ZKSCAN8: variants seen among roughly 807,000 people sequenced by gnomAD.
ZKSCAN8 encodes the protein zinc finger with KRAB and SCAN domains 8, also known as zinc finger protein with KRAB and SCAN domains 8.
A neutral mutation model predicts 57.2 loss-of-function variants in ZKSCAN8; 27 were observed. That is an observed-to-expected ratio of 0.47 (90% CI 0.35 to 0.65). The LOEUF (loss-of-function observed/expected upper bound fraction) is 0.65, where lower values mean the gene tolerates loss of function less well. ZKSCAN8 is among the 30% of genes least tolerant of loss of function. The pLI is 0.01. For synonymous variants in ZKSCAN8, 214 were observed against 248.7 expected (o/e 0.86, Z 1.31); for missense variants, 597 against 696.3 (o/e 0.86, Z 1.60).
In ZKSCAN8 at chr6:28,153,496, T is replaced by C. The variant is rs1297107706; in HGVS notation, c.1216T>C (p.Tyr406His). ...HQRIHTGEKP[Y>H]QCNQCGKAFS... is the part of the protein sequence containing the mutation. ...GAGAATCCACACTGGGGAGAAGCCA[T>C]ATCAGTGCAATCAGTGTGGGAAGGC... The change falls in exon 6 of 6, where the codon TAT (tyrosine) becomes CAT (histidine). Residue 406 changes from tyrosine to histidine, a missense_variant. Tyr to His is a moderately conservative substitution (Grantham distance 83). Coordinates refer to ENST00000330236, the MANE Select transcript of ZKSCAN8 (RefSeq NM_006298.4). The C allele has an allele frequency of 1.2e-6, 2 of 1,612,402 alleles. No homozygotes were observed. Among genetic ancestry groups the C allele is most frequent in the East Asian group, 2.2e-5 (1 of 44,882 alleles).
chr6:28,151,790 C>T (rs1450573990), intron 3 of ZKSCAN8, 55 bp from the exon 4 acceptor site: 3 of 1,432,002 alleles, frequency 2.1e-6, no homozygotes, highest in African/African-American at 1.4e-5. Context: ...TGAGTGCCAG[C>T]TCCCACAACC....
chr6:28,147,245 G>A (rs1765428517), intron 1 of ZKSCAN8, among the ~76,000 whole-genome samples: 1 of 151,884 alleles, frequency 6.6e-6, no homozygotes, highest in Non-Finnish European at 1.5e-5. Flanking sequence ...ATATATAGAT[G>A]TTAAATAAGC....
chr6:28,150,261 C>T (rs925359178), intron 3 of ZKSCAN8, among the ~76,000 whole-genome samples: 2 of 151,788 alleles, frequency 1.3e-5, no homozygotes, highest in Non-Finnish European at 2.9e-5. Flanking sequence ...TTGAAGAGTA[C>T]AGGTGTGTTA....
Position 28,152,329 on chromosome 6 carries a change from G to A in ZKSCAN8, c.720G>A (p.Gln240=). 1 of 1,613,892 alleles carries A rather than the reference G, an allele frequency of 6.2e-7. No homozygotes were observed. The highest frequency in any genetic ancestry group is 8.5e-7 in the Non-Finnish European group (1 of 1,179,946). Reference sequence around the variant, plus strand: ...AGGAGTGGCTTCTTGATCCATCACAGAAGGATCTGTGTAGAGATAACAGGC... The same window carrying A: ...AGGAGTGGCTTCTTGATCCATCACAAAAGGATCTGTGTAGAGATAACAGGC... ...IREEWLLDPS[Q]KDLCRDNRPE... Residue 240 remains glutamine (Q), a synonymous_variant, in exon 5 of 6, where the codon CAG becomes CAA. Coordinates refer to ENST00000330236, the MANE Select transcript of ZKSCAN8 (RefSeq NM_006298.4).
chr6:28,148,450 G>C lies in ZKSCAN8; in HGVS notation c.43G>C (p.Asp15His). Residue 15 changes from aspartate (D) to histidine (H), a missense_variant, in exon 2 of 6, where the codon GAC becomes CAC. By Grantham distance (81) the Asp-to-His change is moderately conservative (BLOSUM62 -1). Coordinates refer to ENST00000330236, the MANE Select transcript of ZKSCAN8 (RefSeq NM_006298.4). ...SRKPSAPSPPDQTPEEDLVIV... is the reference protein window; with the variant it reads ...SRKPSAPSPPHQTPEEDLVIV... ...AAAGCCTTCAGCCCCATCCCCACCA[G>C]ACCAGACTCCTGAAGAGGATCTTGT... 1 of 1,614,116 alleles carries C rather than the reference G, an allele frequency of 6.2e-7. No homozygotes were observed. Among genetic ancestry groups the C allele is most frequent in the Non-Finnish European group, 8.5e-7 (1 of 1,180,022 alleles).
intron 4 of ZKSCAN8, 97 bp downstream of exon 4, chr6:28,152,033 C>T (rs1765607986): frequency 6.9e-7 from 1 of 1,446,270 alleles, no homozygotes; most frequent in South Asian, 1.2e-5. Context: ...GTAGCAGTAC[C>T]TACCCAAAAA....
At chr6:28,151,115 A>G (rs1310183170) in intron 3 of ZKSCAN8, among the ~76,000 whole-genome samples, 10 of 152,046 alleles carry the variant, frequency 6.6e-5, no homozygotes, top group Non-Finnish European at 2.9e-5. Context: ...CACTGTCTTT[A>G]TTTTGCTAAA....
intron 1 of ZKSCAN8, among the ~76,000 whole-genome samples, chr6:28,143,404 C>G (rs1765282845): frequency 6.6e-6 from 1 of 152,126 alleles, no homozygotes; most frequent in Non-Finnish European, 1.5e-5. Context: ...AGCTGGTTTT[C>G]ATCAGTGTTG....
chr6:28,148,363 TAAA>T lies in ZKSCAN8; in HGVS notation c.-44_-42del. Reference sequence around the variant, plus strand: ...TCAGAAGAGTCTTCTCTTAAGAAGATAAAGAAGGTAGTGGAAACGAACTTCCTG... The same window carrying T: ...TCAGAAGAGTCTTCTCTTAAGAAGATGAAGGTAGTGGAAACGAACTTCCTG... On this transcript the variant is annotated 5_prime_UTR_variant, in exon 2 of 6. It adds an upstream start codon to the 5' untranslated region. Transcript: ENST00000330236. The T allele has an allele frequency of 6.4e-7, 1 of 1,566,972 alleles. No homozygotes were observed. The highest frequency in any genetic ancestry group is 8.6e-7 in the Non-Finnish European group (1 of 1,156,894).
rs1200719964 is a variant in ZKSCAN8, at chr6:28,156,634, G to A, written c.*2617G>A. On this transcript the variant is annotated 3_prime_UTR_variant, in exon 6 of 6. Coordinates refer to ENST00000330236, the MANE Select transcript of ZKSCAN8 (RefSeq NM_006298.4). ...TCTTAGCATAGAATATTATTGACTAGGCTGTATGACATTTTGAGCTCTTAA... is the reference window on the plus strand; with the variant it reads ...TCTTAGCATAGAATATTATTGACTAAGCTGTATGACATTTTGAGCTCTTAA... 6.4e-6 allele frequency: 1 copy of A among 157,374 alleles called. No individual in the cohort carries two copies. Among genetic ancestry groups the A allele is most frequent in the Non-Finnish European group, 1.4e-5 (1 of 71,770 alleles). The allele number at this position is 157,374 out of a possible 1,614,324, so 9.7% of individuals were successfully genotyped here. A position where few individuals can be genotyped will look rare whatever the true frequency, so the allele number is the denominator to read the frequency against.
intron 1 of ZKSCAN8, 60 bp from the exon 2 acceptor site, chr6:28,148,256 C>T: frequency 1.3e-6 from 1 of 763,944 alleles, no homozygotes; most frequent in Non-Finnish European, 2.0e-6. Context: ...TGTTAAGATA[C>T]CATAGTTAGT....
In ZKSCAN8 at chr6:28,159,097, C is replaced by G. The variant is rs1032389899; in HGVS notation, c.*5080C>G. On this transcript the variant is annotated 3_prime_UTR_variant, in exon 6 of 6. Transcript: ENST00000330236. ...TGCCTTTCTCATGCTATTCTTTTTG[C>G]TTAGATTGCTCTTTGGTCCCAGCTC... The G allele has an allele frequency of 1.3e-5, 2 of 152,190 alleles. No homozygotes were observed. Among genetic ancestry groups the G allele is most frequent in the Non-Finnish European group, 2.9e-5 (2 of 68,058 alleles). 9.4% of individuals were successfully genotyped at this position (152,190 alleles called of 1,614,324 possible).
Position 28,144,874 on chromosome 6 carries a change from A to G in ZKSCAN8, c.-93+2845A>G, listed in dbSNP as rs970316387. Reference sequence around the variant, plus strand: ...AGATCGAGACCATCCTGGCTAACACAGTGAAACCCCATCTCTACTAAAAAT... The same window carrying G: ...AGATCGAGACCATCCTGGCTAACACGGTGAAACCCCATCTCTACTAAAAAT... On this transcript the variant is annotated intron_variant, in intron 1 of 5. Transcript: ENST00000330236. The surrounding 1 kb of genome is among the most constrained non-coding windows in gnomAD (Gnocchi z 4.5). Among the ~76,000 whole-genome samples the G allele has an allele frequency of 2.6e-5, 4 of 152,078 alleles. No individual in the cohort carries two copies. The highest frequency in any genetic ancestry group is 4.4e-5 in the Non-Finnish European group (3 of 67,990).
rs1013405500 is a variant in ZKSCAN8, at chr6:28,158,691, G to A, written c.*4674G>A. The A allele has an allele frequency of 2.6e-5, 4 of 151,778 alleles. No homozygotes were observed. The highest frequency in any genetic ancestry group is 9.7e-5 in the African/African-American group (4 of 41,266). 9.4% of individuals were successfully genotyped at this position (151,778 alleles called of 1,614,324 possible). On this transcript the variant is annotated 3_prime_UTR_variant, in exon 6 of 6. Coordinates refer to ENST00000330236, the MANE Select transcript of ZKSCAN8 (RefSeq NM_006298.4). ...CTTTTCATGTAGATCTGAGGCCCAG[G>A]TTACTGTAATTCTTTTTTTTCCAAT...
In ZKSCAN8 at chr6:28,154,361, C is replaced by T. The variant is rs1439875517; in HGVS notation, c.*344C>T. The T allele has an allele frequency of 6.8e-5, 13 of 190,956 alleles. No homozygotes were observed. In the Admixed American group the frequency reaches 6.9e-4, roughly 10 times the overall value. The allele number at this position is 190,956 out of a possible 1,614,324, so 11.8% of individuals were successfully genotyped here. On this transcript the variant is annotated 3_prime_UTR_variant, in exon 6 of 6. Transcript: ENST00000330236. The stretch of plus-strand genomic sequence containing the variant: ...TAGGTTTGAGAGAGGCTGGCTACTC[C>T]TAGTTCCTGTGCTTCTTCCCATCTC...
chr6:28,148,334 G>C lies in ZKSCAN8; in HGVS notation c.-74G>C. On this transcript the variant is annotated 5_prime_UTR_variant, in exon 2 of 6. Coordinates refer to ENST00000330236, the MANE Select transcript of ZKSCAN8 (RefSeq NM_006298.4). ...CATGAAGAAGTACCCTTAGAAAGAG[G>C]CCCTCAGAAGAGTCTTCTCTTAAGA... 1 of 1,458,084 alleles carries C rather than the reference G, an allele frequency of 6.9e-7. No individual in the cohort carries two copies. Among genetic ancestry groups the C allele is most frequent in the Admixed American group, 2.3e-5 (1 of 44,276 alleles). 90.3% of individuals were successfully genotyped at this position (1,458,084 alleles called of 1,614,324 possible).
At chr6:28,141,701 G>A (rs1463741741), upstream of ZKSCAN8, among the ~76,000 whole-genome samples, 2 of 152,248 alleles carry the variant, frequency 1.3e-5, no homozygotes, top group Non-Finnish European at 2.9e-5. Flanking sequence ...CACGTTCACT[G>A]CCCCAGCGAC....
intron 1 of ZKSCAN8, among the ~76,000 whole-genome samples, chr6:28,145,604 G>C (rs1243121320): frequency 6.6e-6 from 1 of 152,092 alleles, no homozygotes; most frequent in Non-Finnish European, 1.5e-5. Flanking sequence ...AATTAGGAAG[G>C]CTAGATGTCC....
Position 28,151,935 on chromosome 6 carries a change from A to T in ZKSCAN8, c.650A>T (p.Gln217Leu). Residue 217 changes from glutamine (Q) to leucine (L), a missense_variant and splice_region_variant, in exon 4 of 6, where the codon CAG becomes CTG. Gln to Leu is a moderately radical substitution (Grantham distance 113, BLOSUM62 -2). Coordinates refer to ENST00000330236, the MANE Select transcript of ZKSCAN8 (RefSeq NM_006298.4). ...MTATLLTAGF[Q>L]TLEKIEDMAV... is the part of the protein sequence containing the mutation. ...GCTACACTTCTCACAGCAGGGTTCC[A>T]GGTGAGTTGTGCTCCTTCTCACTGA... is the stretch of plus-strand genomic sequence containing the variant. 6.2e-7 allele frequency: 1 copy of T among 1,614,054 alleles called. No individual in the cohort carries two copies. The highest frequency in any genetic ancestry group is 1.3e-5 in the African/African-American group (1 of 75,046).
Sources: allele counts gnomAD v4.1 joint callset (sites outside exome capture counted in the v4.1 genomes callset), GRCh38; gene constraint gnomAD v4.1.1; non-coding constraint Gnocchi (gnomAD v3.1); transcripts MANE v1.5; gene names NCBI Gene and HGNC (gene_info 2026-07-23, HGNC 2026-07-21).